QTMAN: variants seen among roughly 807,000 people sequenced by gnomAD.
The protein encoded by QTMAN is queuosine-tRNA mannosyltransferase, also known as tRNA-queuosine alpha-mannosyltransferase.
the QTMAN span, among the ~76,000 whole-genome samples, chr2:144,289,321 C>T: frequency 6.6e-6 from 1 of 152,246 alleles, no homozygotes; most frequent in Non-Finnish European, 1.5e-5. Context: ...GCCACTGTGC[C>T]CAGCCAAGAA....
chr2:144,016,028 T>C, the QTMAN span, among the ~76,000 whole-genome samples: 3 of 152,304 alleles, frequency 2.0e-5, no homozygotes, highest in East Asian at 5.8e-4. Context: ...CTACATGATG[T>C]CCATATTTAA....
At chr2:144,271,966 A>G in the QTMAN span, among the ~76,000 whole-genome samples, 1 of 152,204 alleles carries the variant, frequency 6.6e-6, no homozygotes, top group African/African-American at 2.4e-5. Context: ...TCCCAAAGGT[A>G]ACCACTTTGC....
chr2:144,281,641 A>G, the QTMAN span, among the ~76,000 whole-genome samples: 1 of 152,142 alleles, frequency 6.6e-6, no homozygotes, highest in Non-Finnish European at 1.5e-5. Flanking sequence ...AAATGAGGCT[A>G]TTAGAGTGGG....
At chr2:144,181,121 T>G in the QTMAN span, among the ~76,000 whole-genome samples, 1 of 152,232 alleles carries the variant, frequency 6.6e-6, no homozygotes, top group Admixed American at 6.5e-5. Flanking sequence ...CTCTAAGCTT[T>G]AGCTTCTGTT....
chr2:143,980,056 G>A, the QTMAN span, among the ~76,000 whole-genome samples: 1 of 151,930 alleles, frequency 6.6e-6, no homozygotes, highest in South Asian at 2.1e-4. Flanking sequence ...TCAGGGGTAC[G>A]TGTGCAGGAT....
At chr2:143,978,673 T>G in the QTMAN span, among the ~76,000 whole-genome samples, 1 of 152,206 alleles carries the variant, frequency 6.6e-6, no homozygotes, top group Admixed American at 6.5e-5. Flanking sequence ...CCATCCCACA[T>G]AATTTAAAAA....
At chr2:144,258,654 T>C in the QTMAN span, among the ~76,000 whole-genome samples, 22 of 152,056 alleles carry the variant, frequency 1.4e-4, no homozygotes, top group Non-Finnish European at 2.9e-4. Context: ...ATCCATAAGC[T>C]CTTCTTAAGA....
chr2:144,211,004 C>T, the QTMAN span: 1 of 152,170 alleles, frequency 6.6e-6, no homozygotes, highest in Non-Finnish European at 1.5e-5. Context: ...GAATATCTCA[C>T]TCATCTAACC....
At chr2:144,056,159 A>C in the QTMAN span, among the ~76,000 whole-genome samples, 3 of 152,246 alleles carry the variant, frequency 2.0e-5, no homozygotes, top group African/African-American at 4.8e-5. Context: ...ATATTTAAAG[A>C]AGCAGCCAGT....
the QTMAN span, among the ~76,000 whole-genome samples, chr2:144,182,828 A>AATAT: frequency 3.0e-5 from 2 of 67,212 alleles, no homozygotes; most frequent in Non-Finnish European, 5.2e-5. Context: ...TTATATATAT[A>AATAT]ATATATATAT....
chr2:144,142,959 T>A, the QTMAN span, among the ~76,000 whole-genome samples: 1 of 151,996 alleles, frequency 6.6e-6, no homozygotes, highest in East Asian at 1.9e-4. Context: ...TTTCCTGGGC[T>A]AATGGTATGT....
At chr2:143,964,727 G>T in the QTMAN span, among the ~76,000 whole-genome samples, 1 of 152,064 alleles carries the variant, frequency 6.6e-6, no homozygotes, top group Admixed American at 6.6e-5. Flanking sequence ...AATATGCCAA[G>T]ATCATAGTAA....
the QTMAN span, among the ~76,000 whole-genome samples, chr2:144,150,345 C>T: frequency 1.3e-5 from 2 of 151,994 alleles, no homozygotes; most frequent in Non-Finnish European, 2.9e-5. Flanking sequence ...GATATCTACT[C>T]TCTAGGATCC....
the QTMAN span, among the ~76,000 whole-genome samples, chr2:144,159,550 C>T: frequency 1.9e-3 from 282 of 152,108 alleles, 2 homozygotes; most frequent in African/African-American, 6.4e-3. Context: ...TATTTTATGC[C>T]GTTACTTAGG....
At chr2:144,261,255 C>G in the QTMAN span, among the ~76,000 whole-genome samples, 1 of 151,902 alleles carries the variant, frequency 6.6e-6, no homozygotes, top group Non-Finnish European at 1.5e-5. Flanking sequence ...AAGAAACAAT[C>G]TTTAAGAATT....
chr2:144,022,308 A>G, the QTMAN span, among the ~76,000 whole-genome samples: 3 of 151,504 alleles, frequency 2.0e-5, no homozygotes. Context: ...GTATATATAT[A>G]TGATGGGGTC....
At chr2:143,948,869 C>G in the QTMAN span, among the ~76,000 whole-genome samples, 273 of 152,110 alleles carry the variant, frequency 1.8e-3, no homozygotes, top group Non-Finnish European at 3.2e-3. Context: ...TAGGAGTCAT[C>G]GAAGAGCTCC....
the QTMAN span, among the ~76,000 whole-genome samples, chr2:144,152,723 T>G: frequency 6.6e-6 from 1 of 152,164 alleles, no homozygotes; most frequent in African/African-American, 2.4e-5. Context: ...TATCAATAAG[T>G]CAACAAATCA....
the QTMAN span, among the ~76,000 whole-genome samples, chr2:144,275,958 T>A: frequency 3.3e-5 from 5 of 152,200 alleles, no homozygotes; most frequent in African/African-American, 4.8e-5. Context: ...AAAACTTAAA[T>A]ACATATTCCT....
Sources: gnomAD v4.1 joint callset for allele counts (sites outside exome capture counted in the v4.1 genomes callset) on GRCh38, gnomAD v4.1.1 for gene constraint, MANE v1.5 for transcripts, NCBI Gene and HGNC (gene_info 2026-07-23, HGNC 2026-07-21) for gene names.